Variants in RADIL observed in about 807,000 individuals in gnomAD.
The protein encoded by RADIL is ras-associating and dilute domain-containing protein.
Under a neutral mutation model 97.6 loss-of-function variants are expected in RADIL, and 99 were observed. That is an observed-to-expected ratio of 1.01 (90% CI 0.86 to 1.20). The LOEUF (loss-of-function observed/expected upper bound fraction) is 1.20. RADIL is among the 50% of genes most tolerant of loss of function. The pLI is 0.00. For missense variants in RADIL, 1,765 were observed against 1,498.9 expected, an observed-to-expected ratio of 1.18 and a Z score of -2.93; for synonymous variants, 803 against 691.8, an observed-to-expected ratio of 1.16 and a Z score of -2.52.
chr7:4,815,163 A>T lies in RADIL; in HGVS notation c.2139+115T>A. On this transcript the variant is annotated intron_variant, in intron 9 of 14. Coordinates refer to ENST00000399583, the MANE Select transcript of RADIL (RefSeq NM_018059.5). This position sits in a 1 kb window ranked among gnomAD's most constrained non-coding sequence, Gnocchi z 8.0. ...TTTCTGATTACCTACGGTAGCTTTG[A>T]GGTTTCCAGCCAAGAAGCCCCGTCC... is the stretch of plus-strand genomic sequence containing the variant. The T allele has an allele frequency of 7.8e-7, 1 of 1,274,792 alleles. No individual in the cohort carries two copies. The highest frequency in any genetic ancestry group is 1.0e-6 in the Non-Finnish European group (1 of 954,076). 79.0% of individuals were successfully genotyped at this position (1,274,792 alleles called of 1,614,324 possible). A position where few individuals can be genotyped will look rare whatever the true frequency, so the allele number is the denominator to read the frequency against.
chr7:4,862,050 C>T (rs982635285), intron 2 of RADIL: 1 of 390,408 alleles, frequency 2.6e-6, no homozygotes, highest in East Asian at 3.7e-5. Context: ...GCGCGGGCGC[C>T]TGCGCACCCG....
chr7:4,829,854 G>A (rs869057008), intron 5 of RADIL, among the ~76,000 whole-genome samples: 1 of 152,018 alleles, frequency 6.6e-6, no homozygotes, highest in Non-Finnish European at 1.5e-5. Flanking sequence ...GGAACTGTGA[G>A]CCCATTAAAC....
rs768517759 is a variant in RADIL at position 4,815,377 on chromosome 7, C to A, written c.2040G>T (p.Trp680Cys). ...ACARLQQLLE[W>C]MRSAGFGAAG... is the part of the protein sequence containing the mutation. ...CCGCCCCGAAGCCGGCGCTCCGCAT[C>A]CACTCCAGGAGCTGCTGCAGGCGGG... Residue 680 changes from tryptophan to cysteine, a missense_variant, in exon 9 of 15, where the codon TGG becomes TGT. Physicochemically the swap from Trp to Cys is radical, Grantham distance 215. Coordinates refer to ENST00000399583, the MANE Select transcript of RADIL (RefSeq NM_018059.5). This position sits in a 1 kb window ranked among gnomAD's most constrained non-coding sequence, Gnocchi z 8.0. The A allele has an allele frequency of 3.8e-6, 6 of 1,565,120 alleles. No homozygotes were observed. The African/African-American group carries it at 8.1e-5, about 21-fold the overall frequency.
chr7:4,831,409 A>T (rs1202931312), intron 5 of RADIL, among the ~76,000 whole-genome samples: 1 of 152,018 alleles, frequency 6.6e-6, no homozygotes, highest in African/African-American at 2.4e-5. Flanking sequence ...GAGGGAGAGG[A>T]TCAGGAAATA....
In RADIL at chr7:4,817,117, G is replaced by T; in HGVS notation, c.1728+122C>A. 2 of 796,500 alleles carry T rather than the reference G, an allele frequency of 2.5e-6. No individual in the cohort carries two copies. The highest frequency in any genetic ancestry group is 4.0e-6 in the Non-Finnish European group (2 of 494,742). 49.3% of individuals were successfully genotyped at this position (796,500 alleles called of 1,614,324 possible). On this transcript the variant is annotated intron_variant, in intron 7 of 14. Transcript: ENST00000399583. The surrounding 1 kb of genome is among the most constrained non-coding windows in gnomAD (Gnocchi z 8.3). ...AGCCACTGCTCCCTGATGAAGTGGA[G>T]CTTGTCACGGTCCCCTCCCTCAGCC...
At chr7:4,830,785 C>T (rs544877347) in intron 5 of RADIL, among the ~76,000 whole-genome samples, 17 of 152,156 alleles carry the variant, frequency 1.1e-4, no homozygotes, top group East Asian at 1.9e-4. Flanking sequence ...GAGGCCGAGG[C>T]GGGTGGATCA....
intron 13 of RADIL, 94 bp downstream of exon 13, chr7:4,800,077 G>A (rs937869129): frequency 1.4e-6 from 2 of 1,436,776 alleles, no homozygotes; most frequent in Non-Finnish European, 1.8e-6. Context: ...CCTTCCTGTA[G>A]CCACGTGGCC....
chr7:4,875,789 G>C (rs1784363765), intron 2 of RADIL, among the ~76,000 whole-genome samples: 1 of 152,108 alleles, frequency 6.6e-6, no homozygotes, highest in South Asian at 2.1e-4. Flanking sequence ...AGGTCTTTTT[G>C]AATCAGGAGG....
intron 12 of RADIL, among the ~76,000 whole-genome samples, chr7:4,801,094 G>A (rs1562424107): frequency 1.3e-5 from 2 of 152,042 alleles, no homozygotes; most frequent in Non-Finnish European, 2.9e-5. Context: ...TTACACCCAT[G>A]CACAGATGCA....
At position 4,817,067 on chromosome 7, in the gene RADIL, G is replaced by A. The variant is rs897185913; in HGVS notation, c.1728+172C>T. 6.6e-6 allele frequency among the ~76,000 whole-genome samples: 1 copy of A among 152,190 alleles called. No homozygotes were observed. The highest frequency in any genetic ancestry group is 1.5e-5 in the Non-Finnish European group (1 of 68,012). On this transcript the variant is annotated intron_variant, in intron 7 of 14. Coordinates refer to ENST00000399583, the MANE Select transcript of RADIL (RefSeq NM_018059.5). The surrounding 1 kb of genome is among the most constrained non-coding windows in gnomAD (Gnocchi z 8.3). Reference sequence around the variant, plus strand: ...CTGAGGAGGAGCGGGTGTGGGGGGTGCAGCTGGGCCTGTGCAGAACCTGCA... The same window carrying A: ...CTGAGGAGGAGCGGGTGTGGGGGGTACAGCTGGGCCTGTGCAGAACCTGCA...
rs1196684924 is a variant in RADIL, at chr7:4,798,187, C to T, written c.*1191G>A. 6.6e-6 allele frequency: 1 copy of T among 151,282 alleles called. No homozygotes were observed. The highest frequency in any genetic ancestry group is 1.5e-5 in the Non-Finnish European group (1 of 67,906). 9.4% of individuals were successfully genotyped at this position (151,282 alleles called of 1,614,324 possible). A position where few individuals can be genotyped will look rare whatever the true frequency, so the allele number is the denominator to read the frequency against. On this transcript the variant is annotated 3_prime_UTR_variant, in exon 15 of 15. Coordinates refer to ENST00000399583, the MANE Select transcript of RADIL (RefSeq NM_018059.5). Reference sequence around the variant, plus strand: ...AGTATTTTGGGAACCTGGCAGTGGTCGCCGTTTCGAGCCAGGCGCAATGCG... The same window carrying T: ...AGTATTTTGGGAACCTGGCAGTGGTTGCCGTTTCGAGCCAGGCGCAATGCG...
intron 9 of RADIL, among the ~76,000 whole-genome samples, chr7:4,806,215 T>C (rs1217463538): frequency 6.6e-6 from 1 of 152,238 alleles, no homozygotes; most frequent in African/African-American, 2.4e-5. Flanking sequence ...AGTGGCTCAA[T>C]CACAGCTCAC....
At chr7:4,875,868 G>T (rs562832571) in intron 2 of RADIL, among the ~76,000 whole-genome samples, 1 of 152,234 alleles carries the variant, frequency 6.6e-6, no homozygotes, top group East Asian at 1.9e-4. Flanking sequence ...GACATGGCAG[G>T]GTCAGGATGA....
chr7:4,860,448 T>C (rs1783956517), intron 2 of RADIL: 3 of 1,614,230 alleles, frequency 1.9e-6, no homozygotes, highest in South Asian at 1.1e-5. Flanking sequence ...GTGAGATCAA[T>C]GCTGAGAATT....
At chr7:4,826,435 T>A (rs572473098) in intron 5 of RADIL, among the ~76,000 whole-genome samples, 1 of 151,758 alleles carries the variant, frequency 6.6e-6, no homozygotes, top group South Asian at 2.1e-4. Context: ...GGGGAGTTTT[T>A]AAAAATCCAG....
chr7:4,812,884 C>T (rs537936479), intron 9 of RADIL, among the ~76,000 whole-genome samples: 1 of 152,258 alleles, frequency 6.6e-6, no homozygotes, highest in East Asian at 1.9e-4. Context: ...TCATTCTTGG[C>T]CTTCCTTGTT....
At position 4,835,328 on chromosome 7, in the gene RADIL, C is replaced by T; in HGVS notation, c.784-89G>A. On this transcript the variant is annotated intron_variant, in intron 3 of 14. Coordinates refer to ENST00000399583, the MANE Select transcript of RADIL (RefSeq NM_018059.5). This position sits in a 1 kb window ranked among gnomAD's most constrained non-coding sequence, Gnocchi z 5.8. ...GTCTAGTCACTGGTTGCTGAAGCAG[C>T]GTGGCTGGGATGCTGTCGCCACGGG... is the stretch of plus-strand genomic sequence containing the variant. The T allele has an allele frequency of 2.0e-6, 3 of 1,508,938 alleles. No homozygotes were observed. Among genetic ancestry groups the T allele is most frequent in the Non-Finnish European group, 1.8e-6 (2 of 1,126,200 alleles). The allele number at this position is 1,508,938 out of a possible 1,614,324, so 93.5% of individuals were successfully genotyped here.
At chr7:4,876,219 G>A (rs1784373204) in intron 2 of RADIL, among the ~76,000 whole-genome samples, 1 of 151,956 alleles carries the variant, frequency 6.6e-6, no homozygotes, top group Non-Finnish European at 1.5e-5. Context: ...AAACTCCTAG[G>A]CTCAAGCGAT....
At position 4,803,635 on chromosome 7, in the gene RADIL, G is replaced by A. The variant is rs545184177; in HGVS notation, c.2410C>T (p.Arg804Cys). The A allele has an allele frequency of 3.5e-5, 54 of 1,550,148 alleles. No homozygotes were observed. Among genetic ancestry groups the A allele is most frequent in the African/African-American group, 1.8e-4 (13 of 73,144 alleles). Residue 804 changes from arginine (R) to cysteine (C), a missense_variant, in exon 11 of 15, where the codon CGC (arginine) becomes TGC (cysteine). Coordinates refer to ENST00000399583, the MANE Select transcript of RADIL (RefSeq NM_018059.5). ...CTCCGCAGACCCCACAGAAAGTGGC[G>A]GACGTAGAGCAGGTGCTGGTAGATG... ...DSIYQHLLYV[R>C]HFLWGLRSRA...
Sources: gnomAD v4.1 joint callset for allele counts (sites outside exome capture counted in the v4.1 genomes callset) on GRCh38, gnomAD v4.1.1 for gene constraint, Gnocchi (gnomAD v3.1) non-coding constraint, MANE v1.5 for transcripts, NCBI Gene and HGNC (gene_info 2026-07-23, HGNC 2026-07-21) for gene names.